GYPC: variants seen among roughly 807,000 people sequenced by gnomAD.
The protein encoded by GYPC is glycophorin C (Gerbich blood group).
Under a neutral mutation model 12.6 loss-of-function variants are expected in GYPC, and 14 were observed. That is an observed-to-expected ratio of 1.11 (90% CI 0.74 to 1.74). The LOEUF (loss-of-function observed/expected upper bound fraction) is 1.74. Ranked by LOEUF, GYPC falls within the 40% of genes most tolerant of loss-of-function variation. GYPC has a pLI of 0.00. For missense variants in GYPC, 225 were observed against 172.1 expected (o/e 1.31, Z -1.72); for synonymous variants, 78 against 62.1 (o/e 1.26, Z -1.20).
At chr2:126,671,353 C>T (rs1682849738) in intron 1 of GYPC, among the ~76,000 whole-genome samples, 1 of 152,222 alleles carries the variant, frequency 6.6e-6, no homozygotes. Flanking sequence ...GCGAGGCAGG[C>T]TTCCCTGAGC....
At chr2:126,684,678 C>T (rs28387185) in intron 1 of GYPC, among the ~76,000 whole-genome samples, 128 of 152,266 alleles carry the variant, frequency 8.4e-4, no homozygotes, top group African/African-American at 2.3e-3. Context: ...TTGGCCTTAA[C>T]GGTGGAGCAT....
intron 2 of GYPC, among the ~76,000 whole-genome samples, chr2:126,691,581 C>T (rs1308281804): frequency 6.6e-6 from 1 of 152,112 alleles, no homozygotes. Flanking sequence ...CTGCCCCAAG[C>T]ACAGTTAATA....
chr2:126,681,934 C>T (rs556112639), intron 1 of GYPC, among the ~76,000 whole-genome samples: 17 of 152,374 alleles, frequency 1.1e-4, no homozygotes, highest in African/African-American at 2.4e-4. Context: ...CACAGCAGGG[C>T]GGCCAGATGC....
chr2:126,670,745 T>C (rs1189376202), intron 1 of GYPC, among the ~76,000 whole-genome samples: 1 of 151,918 alleles, frequency 6.6e-6, no homozygotes, highest in African/African-American at 2.4e-5. Flanking sequence ...CCAGAAAGAC[T>C]CAGAGACAGG....
intron 2 of GYPC, among the ~76,000 whole-genome samples, chr2:126,690,567 T>C (rs901504860): frequency 6.6e-6 from 1 of 152,188 alleles, no homozygotes; most frequent in Non-Finnish European, 1.5e-5. Context: ...TCTGTATTTA[T>C]ATTTATTGGC....
intron 1 of GYPC, among the ~76,000 whole-genome samples, chr2:126,661,898 G>A (rs1682545789): frequency 6.6e-6 from 1 of 152,208 alleles, no homozygotes; most frequent in South Asian, 2.1e-4. Flanking sequence ...GGGCAGGGTG[G>A]CCTTGGTTAT....
chr2:126,685,725 A>G, intron 1 of GYPC: 1 of 954,742 alleles, frequency 1.0e-6, no homozygotes, highest in Non-Finnish European at 1.2e-6. Flanking sequence ...GTTCCTCGCA[A>G]TTGAACACTC....
intron 1 of GYPC, chr2:126,686,779 T>G: frequency 1.2e-6 from 1 of 813,676 alleles, no homozygotes; most frequent in Non-Finnish European, 1.5e-6. Flanking sequence ...GGTAATTGTC[T>G]ATTTCTGATA....
At position 126,695,962 on chromosome 2, in the gene GYPC, G is replaced by A. The variant is rs767484773; in HGVS notation, c.207G>A (p.Val69=). ...IVVIAGVIAA[V]AIVLVSLLFV... is the part of the protein sequence containing the mutation. Reference sequence around the variant, plus strand: ...CACCTGCAGGTGTGATTGCTGCTGTGGCCATCGTCCTAGTCTCCCTCCTCT... The same window carrying A: ...CACCTGCAGGTGTGATTGCTGCTGTAGCCATCGTCCTAGTCTCCCTCCTCT... Residue 69 remains valine, a synonymous_variant, in exon 4 of 4, where the codon GTG becomes GTA. Transcript: ENST00000259254. The A allele has an allele frequency of 5.6e-6, 9 of 1,613,958 alleles. No individual in the cohort carries two copies. In the East Asian group the frequency reaches 6.7e-5, roughly 12 times the overall value.
At chr2:126,673,123 A>C (rs1392380845) in intron 1 of GYPC, among the ~76,000 whole-genome samples, 1 of 152,026 alleles carries the variant, frequency 6.6e-6, no homozygotes, top group African/African-American at 2.4e-5. Flanking sequence ...CGGTCCAGGG[A>C]GGGCAAGTGA....
At chr2:126,672,535 C>A (rs1682880053) in intron 1 of GYPC, among the ~76,000 whole-genome samples, 1 of 152,112 alleles carries the variant, frequency 6.6e-6, no homozygotes, top group Non-Finnish European at 1.5e-5. Context: ...GAGTGTGGGT[C>A]CCCTGTCCCC....
At chr2:126,673,380 G>A (rs887281523) in intron 1 of GYPC, among the ~76,000 whole-genome samples, 1 of 152,094 alleles carries the variant, frequency 6.6e-6, no homozygotes, top group Non-Finnish European at 1.5e-5. Flanking sequence ...ACCACAGCCT[G>A]GGACAGTGGC....
chr2:126,669,528 G>A (rs549246405), intron 1 of GYPC, among the ~76,000 whole-genome samples: 3 of 152,272 alleles, frequency 2.0e-5, no homozygotes, highest in African/African-American at 7.2e-5. Context: ...GCAGGCTGTC[G>A]AGTACATTGA....
intron 2 of GYPC, among the ~76,000 whole-genome samples, chr2:126,693,060 C>T (rs1421318948): frequency 1.3e-5 from 2 of 152,186 alleles, no homozygotes; most frequent in African/African-American, 4.8e-5. Flanking sequence ...TGTGGTTTGA[C>T]CCTGCAAAAG....
At chr2:126,665,131 T>C (rs976663267) in intron 1 of GYPC, among the ~76,000 whole-genome samples, 3 of 152,202 alleles carry the variant, frequency 2.0e-5, no homozygotes, top group South Asian at 4.1e-4. Flanking sequence ...TGTAGAATTG[T>C]AGGAACAAGA....
chr2:126,667,054 G>A (rs375530439), intron 1 of GYPC, among the ~76,000 whole-genome samples: 56 of 152,324 alleles, frequency 3.7e-4, no homozygotes, highest in Middle Eastern at 6.8e-3. Context: ...TCTTTGCTCA[G>A]TGTAGAGCAT....
In GYPC at chr2:126,684,853, G is replaced by A. The variant is rs141067035; in HGVS notation, c.50-5402G>A. On this transcript the variant is annotated intron_variant, in intron 1 of 3. Transcript: ENST00000259254. ...GCACCTCGTCAATGCTCATTTTGAC[G>A]CTTCATCACATAGAGACTGTGGGCA... 7.2e-5 allele frequency among the ~76,000 whole-genome samples: 11 copies of A among 152,194 alleles called. No individual in the cohort carries two copies. In the East Asian group the frequency reaches 7.7e-4, roughly 11 times the overall value.
At chr2:126,685,409 G>T (rs1332557603) in intron 1 of GYPC, among the ~76,000 whole-genome samples, 1 of 151,234 alleles carries the variant, frequency 6.6e-6, no homozygotes, top group Non-Finnish European at 1.5e-5. Flanking sequence ...TTTTGAGAGG[G>T]ATTCTCACTC....
At chr2:126,690,454 G>A in intron 2 of GYPC, 143 bp downstream of exon 2, 2 of 720,852 alleles carry the variant, frequency 2.8e-6, no homozygotes, top group East Asian at 2.7e-5. Flanking sequence ...ACTTGGACAG[G>A]GGTGGCTGTG....
Sources: gnomAD v4.1 joint callset for allele counts (sites outside exome capture counted in the v4.1 genomes callset) on GRCh38, gnomAD v4.1.1 for gene constraint, MANE v1.5 for transcripts, NCBI Gene and HGNC (gene_info 2026-07-23, HGNC 2026-07-21) for gene names.